Variants in FKBP1A observed in about 807,000 individuals in gnomAD.
FKBP1A encodes FKBP prolyl isomerase 1A, also known as peptidyl-prolyl cis-trans isomerase FKBP1A.
In FKBP1A, 5 loss-of-function variants were observed where a neutral mutation model predicts 14.2. That is an observed-to-expected ratio of 0.35 (90% CI 0.18 to 0.74). The LOEUF (loss-of-function observed/expected upper bound fraction) is 0.74, where lower values mean the gene tolerates loss of function less well. FKBP1A is among the 30% of genes least tolerant of loss of function. FKBP1A has a pLI of 0.56. For missense variants in FKBP1A, 53 were observed against 138.8 expected (o/e 0.38, Z 3.10); for synonymous variants, 42 against 49.1 (o/e 0.86, Z 0.60).
chr20:1,387,003 G>A (rs1016137792), intron 2 of FKBP1A, among the ~76,000 whole-genome samples: 6 of 152,186 alleles, frequency 3.9e-5, no homozygotes, highest in Non-Finnish European at 8.8e-5. Context: ...ATGTGATTAA[G>A]TTATTCATAA....
At chr20:1,385,652 T>C (rs2089662471) in intron 2 of FKBP1A, among the ~76,000 whole-genome samples, 1 of 152,064 alleles carries the variant, frequency 6.6e-6, no homozygotes, top group African/African-American at 2.4e-5. Context: ...TAAAATGGCC[T>C]ACAAGACCCT....
intron 1 of FKBP1A, 21 bp from the exon 2 acceptor site, chr20:1,392,902 A>G: frequency 7.5e-7 from 1 of 1,335,240 alleles, no homozygotes; most frequent in Non-Finnish European, 9.9e-7. Flanking sequence ...AGAGACGGGC[A>G]TGCTGAGCCG....
chr20:1,391,910 C>T (rs570072938), intron 2 of FKBP1A, among the ~76,000 whole-genome samples: 18 of 152,260 alleles, frequency 1.2e-4, no homozygotes, highest in Admixed American at 4.6e-4. Flanking sequence ...ACTGAGTCTC[C>T]GCCAACTCAG....
chr20:1,373,184 G>A (rs2089492517), intron 3 of FKBP1A: 1 of 152,184 alleles, frequency 6.6e-6, no homozygotes, highest in African/African-American at 2.4e-5. Context: ...GTGAGGTATG[G>A]CTTTACCTTG....
At chr20:1,392,477 A>T (rs189053688) in intron 2 of FKBP1A, among the ~76,000 whole-genome samples, 154 of 152,282 alleles carry the variant, frequency 1.0e-3, no homozygotes, top group African/African-American at 3.6e-3. Flanking sequence ...CCCATTCCTG[A>T]AAGTGTGACC....
At chr20:1,375,759 A>G (rs1600328067) in intron 2 of FKBP1A, among the ~76,000 whole-genome samples, 156 bp from the exon 3 acceptor site, 2 of 152,108 alleles carry the variant, frequency 1.3e-5, no homozygotes, top group Admixed American at 6.5e-5. Flanking sequence ...CTGGACATCT[A>G]AGGAGTTGCG....
intron 4 of FKBP1A, chr20:1,370,591 T>TATTC (rs772611152): frequency 2.0e-6 from 2 of 985,304 alleles, no homozygotes; most frequent in African/African-American, 3.5e-5. Context: ...ATATCTCCAG[T>TATTC]ATTCATTCAT....
chr20:1,369,340 A>G lies in FKBP1A; in HGVS notation c.*769T>C, dbSNP rs1280342375. On this transcript the variant is annotated 3_prime_UTR_variant, in exon 5 of 5. Coordinates refer to ENST00000400137, the MANE Select transcript of FKBP1A (RefSeq NM_000801.5). Reference sequence around the variant, plus strand: ...GTGGTGGAGCTTGGAAAGTTATGAGATTACAAAATTCCTGAAAGTCCATTA... The same window carrying G: ...GTGGTGGAGCTTGGAAAGTTATGAGGTTACAAAATTCCTGAAAGTCCATTA... 6.0e-6 allele frequency: 1 copy of G among 166,722 alleles called. No individual in the cohort carries two copies. The highest frequency in any genetic ancestry group is 1.9e-4 in the East Asian group (1 of 5,176). 10.3% of individuals were successfully genotyped at this position (166,722 alleles called of 1,614,324 possible). A position where few individuals can be genotyped will look rare whatever the true frequency, so the allele number is the denominator to read the frequency against.
Position 1,369,934 on chromosome 20 carries a change from GGT to G in FKBP1A, c.*173_*174del. On this transcript the variant is annotated 3_prime_UTR_variant, in exon 5 of 5. Transcript: ENST00000400137. ...AGGAGAAAGGGGAAGAGGAAACAGA[GGT>G]GTCGGAAGCAAAGCTGAGTGACAGA... 1 of 1,326,012 alleles carries G rather than the reference GGT, an allele frequency of 7.5e-7. No homozygotes were observed. The highest frequency in any genetic ancestry group is 1.0e-6 in the Non-Finnish European group (1 of 964,524). 82.1% of individuals were successfully genotyped at this position (1,326,012 alleles called of 1,614,324 possible).
At chr20:1,389,425 C>G (rs2089707268) in intron 2 of FKBP1A, among the ~76,000 whole-genome samples, 1 of 152,238 alleles carries the variant, frequency 6.6e-6, no homozygotes, top group East Asian at 1.9e-4. Context: ...CCAAGAGATA[C>G]CTAGCAAGGG....
chr20:1,369,919 G>A lies in FKBP1A; in HGVS notation c.*190C>T. ...GTAAACACACATACGAGGAGAAAGG[G>A]GAAGAGGAAACAGAGGTGTCGGAAG... On this transcript the variant is annotated 3_prime_UTR_variant, in exon 5 of 5. Transcript: ENST00000400137. 1 of 1,154,124 alleles carries A rather than the reference G, an allele frequency of 8.7e-7. No homozygotes were observed. Among genetic ancestry groups the A allele is most frequent in the Non-Finnish European group, 1.2e-6 (1 of 816,870 alleles). 71.5% of individuals were successfully genotyped at this position (1,154,124 alleles called of 1,614,324 possible).
At chr20:1,375,839 C>T (rs1454723041) in intron 2 of FKBP1A, among the ~76,000 whole-genome samples, 10 of 152,102 alleles carry the variant, frequency 6.6e-5, no homozygotes, top group East Asian at 3.9e-4. Flanking sequence ...AAAAGGACCC[C>T]GCGTACCAGA....
At chr20:1,370,702 G>C in intron 4 of FKBP1A, 1 of 985,370 alleles carries the variant, frequency 1.0e-6, no homozygotes, top group Non-Finnish European at 1.2e-6. Context: ...AGGGTTACTC[G>C]GGGTGACTTG....
intron 3 of FKBP1A, among the ~76,000 whole-genome samples, chr20:1,372,640 C>T (rs1451715297): frequency 1.3e-5 from 2 of 152,272 alleles, no homozygotes; most frequent in East Asian, 3.9e-4. Context: ...GAATACTCAA[C>T]TTTGCTTTAA....
intron 2 of FKBP1A, among the ~76,000 whole-genome samples, chr20:1,389,209 T>C (rs554112131): frequency 5.2e-4 from 79 of 152,292 alleles, no homozygotes; most frequent in Middle Eastern, 3.4e-3. Flanking sequence ...AGATCAGGTC[T>C]TTGTCTATTT....
Position 1,371,669 on chromosome 20 carries a change from C to CT in FKBP1A, c.*36+406dup, listed in dbSNP as rs878863207. On this transcript the variant is annotated intron_variant, in intron 4 of 4. Coordinates refer to ENST00000400137, the MANE Select transcript of FKBP1A (RefSeq NM_000801.5). Reference sequence around the variant, plus strand: ...GGACATGATATTCATATCCAAAGGGCTTTTTTTTTCCCCCTCTAGCTTCTA... The same window carrying CT: ...GGACATGATATTCATATCCAAAGGGCTTTTTTTTTTCCCCCTCTAGCTTCTA... 313 of 952,484 alleles carry CT rather than the reference C, an allele frequency of 3.3e-4. 1 individual carries two copies. Among genetic ancestry groups the CT allele is most frequent in the Middle Eastern group, 5.4e-4 (1 of 1,854 alleles). The allele number at this position is 952,484 out of a possible 1,614,324, so 59.0% of individuals were successfully genotyped here. A position where few individuals can be genotyped will look rare whatever the true frequency, so the allele number is the denominator to read the frequency against.
chr20:1,382,718 T>C (rs1176123007), intron 2 of FKBP1A, among the ~76,000 whole-genome samples: 1 of 152,224 alleles, frequency 6.6e-6, no homozygotes, highest in African/African-American at 2.4e-5. Flanking sequence ...TAAGCACCTT[T>C]AGTTACTAAT....
intron 3 of FKBP1A, chr20:1,375,289 A>G: frequency 1.7e-6 from 1 of 596,546 alleles, no homozygotes; most frequent in Non-Finnish European, 3.0e-6. Context: ...GCAAGAAAAA[A>G]GTTATGTTTT....
At chr20:1,384,005 T>C (rs751744382) in intron 2 of FKBP1A, among the ~76,000 whole-genome samples, 1 of 152,154 alleles carries the variant, frequency 6.6e-6, no homozygotes, top group South Asian at 2.1e-4. Context: ...GACACAGAAG[T>C]TCTCTTAACC....
Sources: gnomAD v4.1 joint callset for allele counts (sites outside exome capture counted in the v4.1 genomes callset) on GRCh38, gnomAD v4.1.1 for gene constraint, MANE v1.5 for transcripts, NCBI Gene and HGNC (gene_info 2026-07-23, HGNC 2026-07-21) for gene names.